Variants in ADAMTS12 observed in about 807,000 individuals in gnomAD.
ADAMTS12 encodes the protein ADAM metallopeptidase with thrombospondin type 1 motif 12, also known as A disintegrin and metalloproteinase with thrombospondin motifs 12.
A neutral mutation model predicts 167.8 loss-of-function variants in ADAMTS12; 118 were observed. That is an observed-to-expected ratio of 0.70 (90% CI 0.61 to 0.82). ADAMTS12 has a LOEUF of 0.82. Ranked by LOEUF, ADAMTS12 falls within the 40% of genes least tolerant of loss-of-function variation. The pLI, the probability that ADAMTS12 is intolerant of heterozygous loss-of-function variation, is 0.00. For synonymous variants in ADAMTS12, 704 were observed against 716.9 expected, an observed-to-expected ratio of 0.98 and a Z score of 0.29; for missense variants, 1,916 against 1,998.8, an observed-to-expected ratio of 0.96 and a Z score of 0.79.
chr5:33,595,199 T>G (rs1486207760), intron 17 of ADAMTS12, among the ~76,000 whole-genome samples: 3 of 151,958 alleles, frequency 2.0e-5, no homozygotes, highest in Non-Finnish European at 4.4e-5. Flanking sequence ...CCTGGCATAA[T>G]AACATCCCAA....
intron 3 of ADAMTS12, among the ~76,000 whole-genome samples, chr5:33,735,884 T>A (rs1579888752): frequency 1.3e-5 from 2 of 152,256 alleles, no homozygotes; most frequent in African/African-American, 4.8e-5. Flanking sequence ...TGTTGATTGA[T>A]GATGTTGGAA....
At chr5:33,616,107 G>T (rs201888563) in intron 14 of ADAMTS12, 35 bp from the exon 15 acceptor site, 3 of 1,607,720 alleles carry the variant, frequency 1.9e-6, no homozygotes, top group Non-Finnish European at 2.5e-6. Flanking sequence ...AAAGAGGCAC[G>T]CCAGCTTCTC....
In ADAMTS12 at chr5:33,650,471, A is replaced by G. The variant is rs1194446118; in HGVS notation, c.1191-774T>C. ...TCTTGTTTTCTTTTTATCATGATCT[A>G]GCTTATTTTCCTTTTCCATATGAAA... is the stretch of plus-strand genomic sequence containing the variant. On this transcript the variant is annotated intron_variant, in intron 7 of 23. Transcript: ENST00000504830. 8.5e-5 allele frequency among the ~76,000 whole-genome samples: 13 copies of G among 152,342 alleles called. No homozygotes were observed. The East Asian group carries it at 2.1e-3, about 25-fold the overall frequency.
intron 3 of ADAMTS12, among the ~76,000 whole-genome samples, chr5:33,699,749 A>T (rs1053244861): frequency 6.6e-6 from 1 of 152,214 alleles, no homozygotes; most frequent in African/African-American, 2.4e-5. Context: ...CTAAAAAGAA[A>T]AAGCCCATTT....
At chr5:33,751,734 C>T (rs1405545401) in intron 2 of ADAMTS12, among the ~76,000 whole-genome samples, 186 bp from the exon 3 acceptor site, 4 of 152,190 alleles carry the variant, frequency 2.6e-5, no homozygotes, top group South Asian at 2.1e-4. Context: ...TTATAGTCAT[C>T]GTTATTAAAT....
chr5:33,664,437 T>C (rs936613783), intron 5 of ADAMTS12, among the ~76,000 whole-genome samples: 19 of 152,112 alleles, frequency 1.2e-4, no homozygotes, highest in African/African-American at 4.6e-4. Flanking sequence ...GCCTTTTCAA[T>C]AAATTATGCT....
chr5:33,777,946 T>G (rs1411408774), intron 2 of ADAMTS12, among the ~76,000 whole-genome samples: 1 of 151,890 alleles, frequency 6.6e-6, no homozygotes, highest in Non-Finnish European at 1.5e-5. Context: ...AAAAATAAAA[T>G]AATTAGAAAT....
intron 5 of ADAMTS12, among the ~76,000 whole-genome samples, chr5:33,677,743 C>T (rs139232764): frequency 1.3e-5 from 2 of 152,248 alleles, no homozygotes; most frequent in East Asian, 3.9e-4. Context: ...TTTCTTGGCC[C>T]ATGGTTTCTT....
chr5:33,738,019 A>C (rs532902441), intron 3 of ADAMTS12, among the ~76,000 whole-genome samples: 4 of 152,224 alleles, frequency 2.6e-5, no homozygotes, highest in Non-Finnish European at 5.9e-5. Flanking sequence ...ACCACTGTTA[A>C]GCCCTCACCT....
chr5:33,869,364 T>C (rs10041838), intron 2 of ADAMTS12, among the ~76,000 whole-genome samples: 2,245 of 151,980 alleles, frequency 0.015, 61 homozygotes, highest in African/African-American at 0.051. Flanking sequence ...AGAGGATGTA[T>C]GAAAATGCCT....
chr5:33,610,261 G>C (rs1738666737), intron 16 of ADAMTS12, among the ~76,000 whole-genome samples: 1 of 152,140 alleles, frequency 6.6e-6, no homozygotes, highest in African/African-American at 2.4e-5. Flanking sequence ...GACTTGATGA[G>C]GTGTGTGCCT....
intron 16 of ADAMTS12, among the ~76,000 whole-genome samples, chr5:33,602,448 C>T (rs994106387): frequency 6.6e-6 from 1 of 152,176 alleles, no homozygotes; most frequent in African/African-American, 2.4e-5. Context: ...CCATTGAAAT[C>T]ATCTGAATTC....
At chr5:33,814,625 G>A (rs992422871) in intron 2 of ADAMTS12, among the ~76,000 whole-genome samples, 1 of 152,104 alleles carries the variant, frequency 6.6e-6, no homozygotes, top group Admixed American at 6.6e-5. Flanking sequence ...GGGAATATAA[G>A]TGTAGATGAG....
chr5:33,765,276 A>G (rs1029974425), intron 2 of ADAMTS12, among the ~76,000 whole-genome samples: 7 of 152,228 alleles, frequency 4.6e-5, no homozygotes, highest in African/African-American at 1.7e-4. Flanking sequence ...CTTAAGGAGC[A>G]GACATTCTCC....
intron 16 of ADAMTS12, among the ~76,000 whole-genome samples, chr5:33,607,572 T>C (rs957974329): frequency 1.3e-4 from 20 of 152,234 alleles, no homozygotes; most frequent in Non-Finnish European, 2.6e-4. Flanking sequence ...TTAATAGTAA[T>C]AGCATTGAAT....
chr5:33,656,491 G>A (rs1297619785), intron 7 of ADAMTS12, among the ~76,000 whole-genome samples: 1 of 152,174 alleles, frequency 6.6e-6, no homozygotes, highest in African/African-American at 2.4e-5. Flanking sequence ...TGAAGGACAT[G>A]CTTAACATAT....
chr5:33,804,327 T>C (rs773523124), intron 2 of ADAMTS12, among the ~76,000 whole-genome samples: 3 of 152,200 alleles, frequency 2.0e-5, no homozygotes, highest in Non-Finnish European at 4.4e-5. Context: ...CAAGCTATGA[T>C]TGCACAGTGG....
intron 16 of ADAMTS12, among the ~76,000 whole-genome samples, chr5:33,602,253 AT>A (rs1425512674): frequency 6.6e-6 from 1 of 152,240 alleles, no homozygotes; most frequent in African/African-American, 2.4e-5. Context: ...GGCTGGCTAA[AT>A]AACAGACCAT....
At chr5:33,687,659 G>A (rs1179307942) in intron 3 of ADAMTS12, among the ~76,000 whole-genome samples, 4 of 152,166 alleles carry the variant, frequency 2.6e-5, no homozygotes, top group Non-Finnish European at 5.9e-5. Flanking sequence ...AGATAGTGCC[G>A]GAAGCTTTGC....
Sources: gnomAD v4.1 joint callset for allele counts (sites outside exome capture counted in the v4.1 genomes callset) on GRCh38, gnomAD v4.1.1 for gene constraint, MANE v1.5 for transcripts, NCBI Gene and HGNC (gene_info 2026-07-23, HGNC 2026-07-21) for gene names.